BOD1L1: variants seen among roughly 807,000 people sequenced by gnomAD.
The protein encoded by BOD1L1 is biorientation of chromosomes in cell division protein 1-like 1.
A neutral mutation model predicts 240.7 loss-of-function variants in BOD1L1; 86 were observed. The ratio of observed to expected loss-of-function variants is 0.36; its 90% CI spans 0.30 to 0.43. The LOEUF (loss-of-function observed/expected upper bound fraction) is 0.43, where lower values mean the gene tolerates loss of function less well. BOD1L1 is among the 20% of genes least tolerant of loss of function. The pLI, the probability that BOD1L1 is intolerant of heterozygous loss-of-function variation, is 1.00. For synonymous variants in BOD1L1, 1,268 were observed against 1,272.3 expected (o/e 1.00, Z 0.07); for missense variants, 3,554 against 3,643.5 (o/e 0.98, Z 0.63).
chr4:13,620,109 G>C (rs1471048812), intron 1 of BOD1L1, 42 bp from the exon 2 acceptor site: 2 of 1,533,766 alleles, frequency 1.3e-6, no homozygotes, highest in Non-Finnish European at 1.8e-6. Context: ...AGGTTATACA[G>C]TATCAATATT....
intron 25 of BOD1L1, among the ~76,000 whole-genome samples, chr4:13,575,939 T>C (rs1302535706): frequency 7.8e-6 from 1 of 128,208 alleles, no homozygotes; most frequent in Non-Finnish European, 1.6e-5. Flanking sequence ...AGTCTTGCTC[T>C]AACACCAGGC....
At chr4:13,582,565 A>T in intron 18 of BOD1L1, 87 bp downstream of exon 18, 2 of 1,018,412 alleles carry the variant, frequency 2.0e-6, no homozygotes, top group Non-Finnish European at 3.0e-6. Flanking sequence ...CAGGAAAAGT[A>T]AATGAGCAAA....
intron 1 of BOD1L1, 22 bp from the exon 2 acceptor site, chr4:13,620,089 T>C: frequency 3.2e-6 from 5 of 1,583,278 alleles, no homozygotes; most frequent in East Asian, 2.3e-5. Flanking sequence ...AAAACGAAGG[T>C]AAGTCTTCAA....
chr4:13,577,523 A>G, intron 23 of BOD1L1, 36 bp from the exon 24 acceptor site: 4 of 1,605,668 alleles, frequency 2.5e-6, no homozygotes, highest in Non-Finnish European at 3.4e-6. Flanking sequence ...AAGGGTGGTC[A>G]GCTGAGCATT....
At position 13,576,958 on chromosome 4, in the gene BOD1L1, G is replaced by A; in HGVS notation, c.8918C>T (p.Ser2973Leu). 6.2e-7 allele frequency: 1 copy of A among 1,613,930 alleles called. No individual in the cohort carries two copies. The change falls in exon 25 of 26, where the codon TCA becomes TTA. Residue 2973 changes from serine (S) to leucine (L), a missense_variant. By Grantham distance (145) the Ser-to-Leu change is moderately radical. Coordinates refer to ENST00000040738, the MANE Select transcript of BOD1L1 (RefSeq NM_148894.3). ...CTTGTCCTCCACTGGATCAGAAACT[G>A]ATTTCTGGCGTTTTCTTTCTGGCTC... ...SSEPERKRQK[S>L]VSDPVEDKKE... is the part of the protein sequence containing the mutation.
At position 13,614,734 on chromosome 4, in the gene BOD1L1, G is replaced by A. The variant is rs140361784; in HGVS notation, c.636C>T (p.Asn212=). 170 of 1,613,712 alleles carry A rather than the reference G, an allele frequency of 1.1e-4. No homozygotes were observed. The highest frequency in any genetic ancestry group is 1.3e-4 in the Non-Finnish European group (155 of 1,179,822). ...MSILETITSL[N]QEASAARAST... ...AAGCCCTAGCAGCACTGGCTTCTTG[G>A]TTAAGAGAAGTTATGGTTTCCAATA... The change falls in exon 4 of 26, where the codon AAC becomes AAT. Residue 212 remains asparagine, a synonymous_variant. Coordinates refer to ENST00000040738, the MANE Select transcript of BOD1L1 (RefSeq NM_148894.3).
At position 13,588,915 on chromosome 4, in the gene BOD1L1, T is replaced by C. The variant is rs1713951230; in HGVS notation, c.8210-123A>G. 30 of 591,870 alleles carry C rather than the reference T, an allele frequency of 5.1e-5. 3 individuals carry two copies. The South Asian group carries it at 6.3e-4, about 12-fold the overall frequency. The allele number at this position is 591,870 out of a possible 1,614,324, so 36.7% of individuals were successfully genotyped here. ...TAGTAACTTTATTGAGTACCAGTTA[T>C]ATACAGGGCATTGTGGTAGATAGTC... On this transcript the variant is annotated intron_variant, in intron 14 of 25. Coordinates refer to ENST00000040738, the MANE Select transcript of BOD1L1 (RefSeq NM_148894.3).
At position 13,620,080 on chromosome 4, in the gene BOD1L1, A is replaced by G. The variant is rs781428424; in HGVS notation, c.244-13T>C. The G allele has an allele frequency of 6.3e-7, 1 of 1,589,366 alleles. No individual in the cohort carries two copies. Among genetic ancestry groups the G allele is most frequent in the South Asian group, 1.1e-5 (1 of 87,488 alleles). Reference sequence around the variant, plus strand: ...TCTGATACGCAGGCTAGAGAGAAAAAAACGAAGGTAAGTCTTCAAGGTTAT... The same window carrying G: ...TCTGATACGCAGGCTAGAGAGAAAAGAACGAAGGTAAGTCTTCAAGGTTAT... On this transcript the variant is annotated splice_polypyrimidine_tract_variant and intron_variant, in intron 1 of 25. Transcript: ENST00000040738.
intron 11 of BOD1L1, 105 bp from the exon 12 acceptor site, chr4:13,596,049 T>C: frequency 1.1e-6 from 1 of 874,674 alleles, no homozygotes; most frequent in Non-Finnish European, 1.8e-6. Context: ...TGAAACAATA[T>C]AAAAGCCTAT....
chr4:13,572,967 G>A, intron 25 of BOD1L1: 2 of 852,016 alleles, frequency 2.3e-6, no homozygotes, highest in Non-Finnish European at 3.1e-6. Flanking sequence ...TCAGAAAAAT[G>A]GTTGGTTTTC....
rs553186344 is a variant in BOD1L1 at position 13,575,682 on chromosome 4, C to G, written c.9038+1156G>C. On this transcript the variant is annotated intron_variant, in intron 25 of 25. Transcript: ENST00000040738. ...TACAAGCATGAGCTACCGTGCTCAG[C>G]CTGGAAAATATTCATGTTTGGGAAA... 1.4e-4 allele frequency among the ~76,000 whole-genome samples: 21 copies of G among 152,244 alleles called. No individual in the cohort carries two copies. The South Asian group carries it at 4.4e-3, about 32-fold the overall frequency.
intron 6 of BOD1L1, among the ~76,000 whole-genome samples, chr4:13,610,115 G>C (rs1421470808): frequency 6.6e-6 from 1 of 152,094 alleles, no homozygotes; most frequent in Non-Finnish European, 1.5e-5. Flanking sequence ...TCCTGATTCT[G>C]AACTTTTCAT....
chr4:13,597,267 G>T, intron 10 of BOD1L1, 99 bp from the exon 11 acceptor site: 1 of 826,912 alleles, frequency 1.2e-6, no homozygotes, highest in Non-Finnish European at 2.0e-6. Context: ...ACATGCTGTT[G>T]CACCTTCCTT....
At chr4:13,580,948 T>G in intron 21 of BOD1L1, 72 bp downstream of exon 21, 1 of 1,355,902 alleles carries the variant, frequency 7.4e-7, no homozygotes, top group South Asian at 1.4e-5. Flanking sequence ...TTCAAAATAC[T>G]AGATATTGCA....
At chr4:13,622,782 A>C (rs942515398) in intron 1 of BOD1L1, among the ~76,000 whole-genome samples, 5 of 152,248 alleles carry the variant, frequency 3.3e-5, no homozygotes, top group Admixed American at 1.3e-4. Flanking sequence ...CAACTTAGCA[A>C]GAAAGGGGAA....
Position 13,599,440 on chromosome 4 carries a change from G to A in BOD1L1, c.7460C>T (p.Ala2487Val), listed in dbSNP as rs1484974380. The A allele has an allele frequency of 6.2e-7, 1 of 1,613,884 alleles. No individual in the cohort carries two copies. The highest frequency in any genetic ancestry group is 2.2e-5 in the East Asian group (1 of 44,902). ...ETGTAGGSST[A>V]SYSAGRGLEG... is the part of the protein sequence containing the mutation. Reference sequence around the variant, plus strand: ...TAAGCCCCTTCCTGCTGAATAACTTGCTGTGCTACTGCCCCCTGCTGTCCC... The same window carrying A: ...TAAGCCCCTTCCTGCTGAATAACTTACTGTGCTACTGCCCCCTGCTGTCCC... Residue 2487 changes from alanine to valine, a missense_variant, in exon 10 of 26, where the codon GCA (alanine) becomes GTA (valine). This residue lies in a region of BOD1L1 where 3,393 missense variants were observed against 3,427.1 expected (regional missense o/e 0.99). Transcript: ENST00000040738.
At chr4:13,579,305 G>A (rs928424230) in intron 22 of BOD1L1, among the ~76,000 whole-genome samples, 4 of 152,134 alleles carry the variant, frequency 2.6e-5, no homozygotes, top group Non-Finnish European at 4.4e-5. Flanking sequence ...AAGACCAAAC[G>A]TGCATAATCT....
At chr4:13,594,828 G>C (rs945877081) in intron 12 of BOD1L1, among the ~76,000 whole-genome samples, 2 of 152,204 alleles carry the variant, frequency 1.3e-5, no homozygotes, top group African/African-American at 4.8e-5. Flanking sequence ...CAGGGAGTCA[G>C]AGGTTGCAGT....
rs1715887331 is a variant in BOD1L1, at chr4:13,608,420, C to T, written c.1742+110G>A. 11 of 916,888 alleles carry T rather than the reference C, an allele frequency of 1.2e-5. No homozygotes were observed. The South Asian group carries it at 3.4e-4, about 28-fold the overall frequency. The allele number at this position is 916,888 out of a possible 1,614,324, so 56.8% of individuals were successfully genotyped here. Reference sequence around the variant, plus strand: ...AACCCTAAGGTCCTTCATAAACATGCAGTAACATACACAACCAAAGTACAA... The same window carrying T: ...AACCCTAAGGTCCTTCATAAACATGTAGTAACATACACAACCAAAGTACAA... On this transcript the variant is annotated intron_variant, in intron 8 of 25. Transcript: ENST00000040738.
Sources: allele counts gnomAD v4.1 joint callset (sites outside exome capture counted in the v4.1 genomes callset), GRCh38; gene constraint gnomAD v4.1.1; regional missense constraint gnomAD v4.1.1; transcripts MANE v1.5; gene names NCBI Gene and HGNC (gene_info 2026-07-23, HGNC 2026-07-21).